ATG13: variants seen among roughly 807,000 people sequenced by gnomAD.
ATG13 encodes the protein autophagy-related protein 13.
In ATG13, 23 loss-of-function variants were observed where a neutral mutation model predicts 65.5. That is an observed-to-expected ratio of 0.35 (90% CI 0.25 to 0.50). ATG13 has a LOEUF of 0.50. ATG13 is among the 20% of genes least tolerant of loss of function. The pLI, the probability that ATG13 is intolerant of heterozygous loss-of-function variation, is 0.98. For missense variants in ATG13, 566 were observed against 677.0 expected, an observed-to-expected ratio of 0.84 and a Z score of 1.82; for synonymous variants, 252 against 245.2, an observed-to-expected ratio of 1.03 and a Z score of -0.26.
At chr11:46,629,287 C>G (rs1021613782) in intron 1 of ATG13, among the ~76,000 whole-genome samples, 2 of 152,146 alleles carry the variant, frequency 1.3e-5, no homozygotes, top group Admixed American at 6.6e-5. Context: ...TTTACCTTTT[C>G]TAGAGCATGG....
In ATG13 at chr11:46,663,624, A is replaced by AGTCTGCT. The variant is rs1236316399; in HGVS notation, c.790-370_790-369insTGCTGTC. Reference sequence around the variant, plus strand: ...CATCTTCAGCACACCTTGCATCTGCAGTCAGACCTTTCTGTTGGAAGCTGC... The same window carrying AGTCTGCT: ...CATCTTCAGCACACCTTGCATCTGCAGTCTGCTGTCAGACCTTTCTGTTGGAAGCTGC... On this transcript the variant is annotated intron_variant, in intron 11 of 18. Coordinates refer to ENST00000683050, the MANE Select transcript of ATG13 (RefSeq NM_001346311.2). Among the ~76,000 whole-genome samples, 3 of 152,340 alleles carry AGTCTGCT rather than the reference A, an allele frequency of 2.0e-5. No homozygotes were observed. The East Asian group carries it at 5.8e-4, about 29-fold the overall frequency.
At position 46,624,108 on chromosome 11, in the gene ATG13, G is replaced by A. The variant is rs143805512; in HGVS notation, c.-69-5937G>A. ...CAACCTCCACCTCCTGGGTTCAAAC[G>A]ATTCTCCTGCCTCAGCCTCCTGAGT... On this transcript the variant is annotated intron_variant, in intron 1 of 18. Coordinates refer to ENST00000683050, the MANE Select transcript of ATG13 (RefSeq NM_001346311.2). 4.1e-3 allele frequency among the ~76,000 whole-genome samples: 628 copies of A among 151,424 alleles called. 2 individuals are homozygous for A. Among genetic ancestry groups the A allele is most frequent in the African/African-American group, 0.013 (526 of 41,244 alleles).
At chr11:46,635,662 C>T (rs2053685590) in intron 2 of ATG13, among the ~76,000 whole-genome samples, 1 of 152,220 alleles carries the variant, frequency 6.6e-6, no homozygotes, top group African/African-American at 2.4e-5. Context: ...GTAAACCTTA[C>T]ATACATTTAT....
At chr11:46,641,015 A>C (rs958813806) in intron 2 of ATG13, among the ~76,000 whole-genome samples, 5 of 152,238 alleles carry the variant, frequency 3.3e-5, no homozygotes, top group Admixed American at 2.0e-4. Flanking sequence ...ACCAAAAGAC[A>C]CATATAAGAA....
At chr11:46,646,880 C>T (rs985685745) in intron 5 of ATG13, among the ~76,000 whole-genome samples, 3 of 152,088 alleles carry the variant, frequency 2.0e-5, no homozygotes, top group Non-Finnish European at 4.4e-5. Flanking sequence ...CCACCTCAGC[C>T]TCCTGAGTAG....
At chr11:46,665,645 C>CATGCTTTGGGCT in intron 14 of ATG13, 126 bp downstream of exon 14, 1 of 1,311,032 alleles carries the variant, frequency 7.6e-7, no homozygotes, top group Non-Finnish European at 1.0e-6. Context: ...GCATTTGAGC[C>CATGCTTTGGGCT]CAAAGCATGG....
chr11:46,649,088 G>T, intron 5 of ATG13, 49 bp from the exon 6 acceptor site: 1 of 1,535,570 alleles, frequency 6.5e-7, no homozygotes, highest in African/African-American at 1.4e-5. Context: ...GTAATGCTTT[G>T]AAATTAAAAA....
At chr11:46,625,269 C>CTTTTTTTTTTT (rs59095357) in intron 1 of ATG13, 3 of 84,384 alleles carry the variant, frequency 3.6e-5, no homozygotes, top group Non-Finnish European at 4.5e-5. Context: ...CTTGCTCTTT[C>CTTTTTTTTTTT]TTTTTTTTTT....
chr11:46,617,978 G>C (rs1471048378), intron 1 of ATG13, 88 bp downstream of exon 1: 2 of 398,864 alleles, frequency 5.0e-6, no homozygotes, highest in Non-Finnish European at 4.4e-6. Context: ...CTGCTGCTTC[G>C]TGGAAGTAGA....
Position 46,669,389 on chromosome 11 carries a change from G to C in ATG13, c.1447-15G>C, listed in dbSNP as rs200851715. On this transcript the variant is annotated splice_polypyrimidine_tract_variant and intron_variant, in intron 17 of 18. Transcript: ENST00000683050. Reference sequence around the variant, plus strand: ...GTTCAAGGCAAGCTAAACTGACTCTGTCTTGTTTTTGAAGAAACCAGCTTT... The same window carrying C: ...GTTCAAGGCAAGCTAAACTGACTCTCTCTTGTTTTTGAAGAAACCAGCTTT... The C allele has an allele frequency of 1.2e-6, 2 of 1,613,562 alleles. No homozygotes were observed. Among genetic ancestry groups the C allele is most frequent in the Admixed American group, 1.7e-5 (1 of 59,994 alleles).
chr11:46,665,034 C>T lies in ATG13; in HGVS notation c.999+75C>T, dbSNP rs564079026. ...GCCCGGAGGCAATTGAGGGGTCTCT[C>T]AAGGCAGAGGGATATGTTCTAAGTG... On this transcript the variant is annotated intron_variant, in intron 13 of 18. Coordinates refer to ENST00000683050, the MANE Select transcript of ATG13 (RefSeq NM_001346311.2). The T allele has an allele frequency of 1.5e-5, 21 of 1,383,924 alleles. No individual in the cohort carries two copies. The East Asian group carries it at 3.9e-4, about 26-fold the overall frequency. 85.7% of individuals were successfully genotyped at this position (1,383,924 alleles called of 1,614,324 possible).
Position 46,647,702 on chromosome 11 carries a change from A to G in ATG13, c.271-1435A>G, listed in dbSNP as rs181651827. On this transcript the variant is annotated intron_variant, in intron 5 of 18. Transcript: ENST00000683050. ...TCCTCCCACCTCAGCCTTTCCAAGT[A>G]GCTGGGAGTATATGCTGCACCACCA... 2.8e-3 allele frequency among the ~76,000 whole-genome samples: 423 copies of G among 151,186 alleles called. 2 individuals are homozygous for G. Among genetic ancestry groups the G allele is most frequent in the African/African-American group, 9.7e-3 (400 of 41,170 alleles).
In ATG13 at chr11:46,657,412, T is replaced by G. The variant is rs114496283; in HGVS notation, c.597-112T>G. On this transcript the variant is annotated intron_variant, in intron 9 of 18. Transcript: ENST00000683050. ...GTTTATATTTAGGGATTGTGATAGTTAAAGCTCTGGTAGTGCCTGCCAACA... is the reference window on the plus strand; with the variant it reads ...GTTTATATTTAGGGATTGTGATAGTGAAAGCTCTGGTAGTGCCTGCCAACA... 9.0e-4 allele frequency: 1,010 copies of G among 1,123,646 alleles called. 5 individuals carry two copies. The African/African-American group carries it at 0.014, about 16-fold the overall frequency. The allele number at this position is 1,123,646 out of a possible 1,614,324, so 69.6% of individuals were successfully genotyped here.
chr11:46,630,445 A>G (rs189557529), intron 2 of ATG13, among the ~76,000 whole-genome samples: 1 of 152,292 alleles, frequency 6.6e-6, no homozygotes, highest in African/African-American at 2.4e-5. Context: ...TGAGTGGACC[A>G]GTTACAAAGG....
At chr11:46,667,358 G>A (rs2062605051) in intron 14 of ATG13, among the ~76,000 whole-genome samples, 1 of 152,224 alleles carries the variant, frequency 6.6e-6, no homozygotes, top group African/African-American at 2.4e-5. Flanking sequence ...GCTGGGGAAG[G>A]AGGGAGTGGG....
intron 1 of ATG13, among the ~76,000 whole-genome samples, chr11:46,629,091 C>T (rs1381710265): frequency 6.6e-6 from 1 of 151,882 alleles, no homozygotes; most frequent in Non-Finnish European, 1.5e-5. Flanking sequence ...TACAGATGTG[C>T]GCCACCATGC....
At chr11:46,660,599 G>T (rs964973460) in intron 11 of ATG13, among the ~76,000 whole-genome samples, 1 of 151,462 alleles carries the variant, frequency 6.6e-6, no homozygotes, top group Non-Finnish European at 1.5e-5. Flanking sequence ...TAGTAAAGAT[G>T]GGGTTTCACC....
chr11:46,630,990 A>C (rs768054898), intron 2 of ATG13: 1 of 152,038 alleles, frequency 6.6e-6, no homozygotes, highest in South Asian at 2.1e-4. Context: ...GGGATTACCT[A>C]TGTGAGTCAC....
intron 2 of ATG13, among the ~76,000 whole-genome samples, chr11:46,637,105 G>A (rs748247082): frequency 6.6e-6 from 1 of 152,206 alleles, no homozygotes; most frequent in Non-Finnish European, 1.5e-5. Flanking sequence ...AGTGGCTAAA[G>A]GGAGGCATGA....
Sources: allele counts gnomAD v4.1 joint callset (sites outside exome capture counted in the v4.1 genomes callset), GRCh38; gene constraint gnomAD v4.1.1; transcripts MANE v1.5; gene names NCBI Gene and HGNC (gene_info 2026-07-23, HGNC 2026-07-21).